Variants in SELENON observed in about 807,000 individuals in gnomAD.
The protein encoded by SELENON is selenoprotein N.
Under a neutral mutation model 59.5 loss-of-function variants are expected in SELENON, and 44 were observed. That is an observed-to-expected ratio of 0.74 (90% CI 0.58 to 0.95). SELENON has a LOEUF of 0.95. Ranked by LOEUF, SELENON falls within the 40% of genes least tolerant of loss-of-function variation. SELENON has a pLI of 0.00. For missense variants in SELENON, 674 were observed against 721.4 expected, an observed-to-expected ratio of 0.93 and a Z score of 0.75; for synonymous variants, 320 against 305.6, an observed-to-expected ratio of 1.05 and a Z score of -0.49.
chr1:25,805,335 C>G, intron 4 of SELENON, 60 bp downstream of exon 3: 1 of 1,608,868 alleles, frequency 6.2e-7, no homozygotes, highest in Non-Finnish European at 8.5e-7. Context: ...TGAGTTTCTG[C>G]TCCATTCATC....
intron 10 of SELENON, chr1:25,813,604 G>A (rs1219977648): frequency 1.9e-6 from 1 of 531,758 alleles, no homozygotes; most frequent in Admixed American, 2.3e-5. Context: ...GAAGGCCCTG[G>A]GACACAGAGC....
chr1:25,808,275 C>T (rs552929559), intron 4 of SELENON, among the ~76,000 whole-genome samples: 1 of 147,088 alleles, frequency 6.8e-6, no homozygotes, highest in South Asian at 2.2e-4. Flanking sequence ...TGCCCTCGAG[C>T]GAGCTGCTCT....
chr1:25,803,870 T>C (rs1191647309), intron 3 of SELENON, among the ~76,000 whole-genome samples: 9 of 152,026 alleles, frequency 5.9e-5, no homozygotes, highest in Admixed American at 5.2e-4. Context: ...GCCCAGCTAA[T>C]TTTGGCATTT....
At position 25,815,590 on chromosome 1, in the gene SELENON, G is replaced by A. The variant is rs147131452; in HGVS notation, c.1645G>A (p.Val549Met). Residue 549 changes from valine (V) to methionine (M), a missense_variant, in exon 13 of 13, where the codon GTG becomes ATG. Coordinates refer to ENST00000361547, the MANE Select transcript of SELENON (RefSeq NM_020451.3). ...CAACTACTTCTTGGACATCACCTCC[G>A]TGAAGCCCGAGGAAATCGAGAGCAA... is the stretch of plus-strand genomic sequence containing the variant. 2,095 of 1,614,140 alleles carry A rather than the reference G, an allele frequency of 1.3e-3. 14 individuals carry two copies. Among genetic ancestry groups the A allele is most frequent in the East Asian group, 0.01 (464 of 44,862 alleles).
In SELENON at chr1:25,814,195, A is replaced by G. The variant is rs1375469213; in HGVS notation, c.1602+17A>G. Reference sequence around the variant, plus strand: ...GGCACCGTGGTAGGCACCCCCACTCAGACCCCACAGGGCCCAGGCACCTCG... The same window carrying G: ...GGCACCGTGGTAGGCACCCCCACTCGGACCCCACAGGGCCCAGGCACCTCG... On this transcript the variant is annotated intron_variant, in intron 12 of 12. Transcript: ENST00000361547. 7 of 1,607,652 alleles carry G rather than the reference A, an allele frequency of 4.4e-6. No individual in the cohort carries two copies. Among genetic ancestry groups the G allele is most frequent in the Non-Finnish European group, 6.0e-6 (7 of 1,175,416 alleles).
chr1:25,804,400 G>A (rs1211318986), intron 3 of SELENON, among the ~76,000 whole-genome samples: 1 of 152,160 alleles, frequency 6.6e-6, no homozygotes, highest in Non-Finnish European at 1.5e-5. Flanking sequence ...CCACTACCCT[G>A]CCCTGAGAGG....
Position 25,815,507 on chromosome 1 carries a change from C to A in SELENON, c.1603-41C>A, listed in dbSNP as rs770424985. On this transcript the variant is annotated intron_variant, in intron 12 of 12. Transcript: ENST00000361547. Reference sequence around the variant, plus strand: ...AGAGAGGGCACAGGGAGCCTGGGGGCCCCCCTCCGCCCCACTTGCCTCACC... The same window carrying A: ...AGAGAGGGCACAGGGAGCCTGGGGGACCCCCTCCGCCCCACTTGCCTCACC... 6 of 1,592,550 alleles carry A rather than the reference C, an allele frequency of 3.8e-6. No homozygotes were observed. In the African/African-American group the frequency reaches 6.7e-5, roughly 18 times the overall value.
At chr1:25,808,839 G>A in intron 5 of SELENON, 50 bp downstream of exon 4, 2 of 1,606,170 alleles carry the variant, frequency 1.2e-6, no homozygotes, top group Non-Finnish European at 1.7e-6. Context: ...GAGCCCAGGA[G>A]TGGCCACCCC....
rs1358224933 is a variant in SELENON at position 25,811,795 on chromosome 1, G to A, written c.1197G>A (p.Val399=). ...CTTCAGGGGAGCCCCTGCAGTTTGT[G>A]TTTGAGGAGATCAAGTGGCAGCAGG... The change falls in exon 9 of 13, where the codon GTG becomes GTA. Residue 399 remains valine, a synonymous_variant. Transcript: ENST00000361547. The A allele has an allele frequency of 6.3e-7, 1 of 1,589,258 alleles. No homozygotes were observed. The highest frequency in any genetic ancestry group is 8.6e-7 in the Non-Finnish European group (1 of 1,167,944).
intron 10 of SELENON, 181 bp from the exon 10 acceptor site, chr1:25,813,700 G>A (rs2047986086): frequency 1.5e-6 from 1 of 657,582 alleles, no homozygotes; most frequent in Non-Finnish European, 2.8e-6. Flanking sequence ...CCAGGATGCT[G>A]GTATATTATT....
At chr1:25,811,122 T>C (rs1311828620) in intron 7 of SELENON, among the ~76,000 whole-genome samples, 1 of 152,196 alleles carries the variant, frequency 6.6e-6, no homozygotes, top group Non-Finnish European at 1.5e-5. Context: ...TGCCCCACCC[T>C]GTGACCCGCC....
Position 25,809,039 on chromosome 1 carries a change from G to A in SELENON, c.761G>A (p.Arg254Gln), listed in dbSNP as rs779808108. ...CGCCGCCCCCAGGTCATCATCCACC[G>A]GCTCCTGAGCATGTTCCACCCTCGG... Residue 254 changes from arginine to glutamine, a missense_variant, in exon 6 of 13, where the codon CGG (arginine) becomes CAG (glutamine). Arg to Gln is a conservative substitution (Grantham distance 43). Transcript: ENST00000361547. The A allele has an allele frequency of 2.2e-5, 36 of 1,613,594 alleles. 2 individuals carry two copies. In the South Asian group the frequency reaches 2.3e-4, roughly 10 times the overall value.
chr1:25,809,701 G>C lies in SELENON; in HGVS notation c.891G>C (p.Gln297His). Residue 297 changes from glutamine (Q) to histidine (H), a missense_variant, in exon 7 of 13, where the codon CAG (glutamine) becomes CAC (histidine). Coordinates refer to ENST00000361547, the MANE Select transcript of SELENON (RefSeq NM_020451.3). The stretch of plus-strand genomic sequence containing the variant: ...CCCACAGGATCCATGCCGAGTTCCA[G>C]CTCAGTGAGCCGCCCGACTTCCCCT... The C allele has an allele frequency of 1.9e-6, 3 of 1,614,042 alleles. No individual in the cohort carries two copies. The highest frequency in any genetic ancestry group is 2.5e-6 in the Non-Finnish European group (3 of 1,180,026).
At chr1:25,805,689 C>G (rs1009180563) in intron 4 of SELENON, among the ~76,000 whole-genome samples, 1 of 152,138 alleles carries the variant, frequency 6.6e-6, no homozygotes, top group East Asian at 1.9e-4. Context: ...CATCTCTTCC[C>G]CACGGGGCAT....
At chr1:25,809,585 A>T in intron 6 of SELENON, 98 bp from the exon 6 acceptor site, 1 of 1,562,654 alleles carries the variant, frequency 6.4e-7, no homozygotes, top group Non-Finnish European at 8.7e-7. Context: ...CTCCACCCCC[A>T]CACTCAGCCT....
rs1173186298 is a variant in SELENON, at chr1:25,812,004, T to C, written c.1281+125T>C. 17 of 1,083,932 alleles carry C rather than the reference T, an allele frequency of 1.6e-5. No individual in the cohort carries two copies. In the South Asian group the frequency reaches 1.6e-4, roughly 10 times the overall value. The allele number at this position is 1,083,932 out of a possible 1,614,324, so 67.1% of individuals were successfully genotyped here. ...GCTTGCTACTGAGGCTGTCTCACTG[T>C]TGGGCCCAGCTGTGCCAGCGGGGCC... On this transcript the variant is annotated intron_variant, in intron 9 of 12. Coordinates refer to ENST00000361547, the MANE Select transcript of SELENON (RefSeq NM_020451.3).
At position 25,815,815 on chromosome 1, in the gene SELENON, C is replaced by A. The variant is rs2048006463; in HGVS notation, c.*97C>A. On this transcript the variant is annotated 3_prime_UTR_variant, in exon 13 of 13. Transcript: ENST00000361547. ...CTGCAGATGCCGCCCACTCCCACCC[C>A]ACTCCTAGGCTGCCTTGGAGGGTAC... 3.8e-6 allele frequency: 5 copies of A among 1,300,320 alleles called. No homozygotes were observed. Among genetic ancestry groups the A allele is most frequent in the South Asian group, 2.5e-5 (2 of 80,124 alleles). The allele number at this position is 1,300,320 out of a possible 1,614,324, so 80.5% of individuals were successfully genotyped here.
chr1:25,800,589 G>T (rs192817585), intron 1 of SELENON, among the ~76,000 whole-genome samples, 176 bp downstream of exon 1: 1 of 151,442 alleles, frequency 6.6e-6, no homozygotes, highest in East Asian at 1.9e-4. Context: ...GGGTGCCTGG[G>T]GCCGGGCTGA....
At chr1:25,806,631 C>T (rs1226925385) in intron 4 of SELENON, among the ~76,000 whole-genome samples, 1 of 152,046 alleles carries the variant, frequency 6.6e-6, no homozygotes, top group African/African-American at 2.4e-5. Context: ...TCAGTCTGCA[C>T]ATGTTGAAGT....
Sources: allele counts gnomAD v4.1 joint callset (sites outside exome capture counted in the v4.1 genomes callset), GRCh38; gene constraint gnomAD v4.1.1; transcripts MANE v1.5; gene names NCBI Gene and HGNC (gene_info 2026-07-23, HGNC 2026-07-21).